AMPH: variants seen among roughly 807,000 people sequenced by gnomAD.
AMPH encodes amphiphysin.
In AMPH, 49 loss-of-function variants were observed where a neutral mutation model predicts 99.1. The ratio of observed to expected loss-of-function variants is 0.49; its 90% confidence interval spans 0.39 to 0.63. The LOEUF is 0.63. Ranked by LOEUF, AMPH falls within the 20% of genes least tolerant of loss-of-function variation. The probability of loss-of-function intolerance (pLI) is 0.00; values close to 1 mark genes in which losing one functional copy is unlikely to be tolerated. For synonymous variants in AMPH, 314 were observed against 317.3 expected (o/e 0.99, Z 0.11); for missense variants, 759 against 863.4 (o/e 0.88, Z 1.52).
intron 2 of AMPH, among the ~76,000 whole-genome samples, chr7:38,527,891 T>A (rs1051871743): frequency 1.3e-5 from 2 of 152,210 alleles, no homozygotes; most frequent in African/African-American, 4.8e-5. Flanking sequence ...TCTTTGTAGA[T>A]GTTCTTTACC....
At chr7:38,428,276 C>T (rs1025393011) in intron 14 of AMPH, 5 of 456,604 alleles carry the variant, frequency 1.1e-5, no homozygotes, top group African/African-American at 6.0e-5. Flanking sequence ...GATCTGTTCC[C>T]CAAGAGTCTA....
intron 11 of AMPH, among the ~76,000 whole-genome samples, chr7:38,457,308 G>T (rs1480228614): frequency 1.3e-5 from 2 of 152,048 alleles, no homozygotes; most frequent in Admixed American, 6.5e-5. Context: ...GAAAAACAAA[G>T]AAATCAGAAA....
intron 1 of AMPH, among the ~76,000 whole-genome samples, chr7:38,571,278 T>TATATAGAATATATATA (rs1562835213): frequency 2.5e-5 from 1 of 39,430 alleles, no homozygotes; most frequent in African/African-American, 1.4e-4. Flanking sequence ...TATATATATA[T>TATATAGAATATATATA]TTTTATATAT....
chr7:38,619,052 C>A (rs559938227), intron 1 of AMPH, among the ~76,000 whole-genome samples: 1 of 152,242 alleles, frequency 6.6e-6, no homozygotes, highest in South Asian at 2.1e-4. Context: ...TGCTGCCAGG[C>A]ATGATGGCAA....
At chr7:38,576,056 G>C (rs1270260685) in intron 1 of AMPH, among the ~76,000 whole-genome samples, 2 of 152,218 alleles carry the variant, frequency 1.3e-5, no homozygotes, top group African/African-American at 4.8e-5. Context: ...CTCTGGGATA[G>C]ACTGCCTAGT....
At chr7:38,476,743 T>C in intron 6 of AMPH, 119 bp downstream of exon 6, 1 of 664,048 alleles carries the variant, frequency 1.5e-6, no homozygotes, top group Admixed American at 2.8e-5. Context: ...TATGTTTCAG[T>C]TTAAATTCTG....
chr7:38,593,605 T>G (rs980265450), intron 1 of AMPH, among the ~76,000 whole-genome samples: 1 of 152,214 alleles, frequency 6.6e-6, no homozygotes, highest in Non-Finnish European at 1.5e-5. Flanking sequence ...ATAGCTTTGC[T>G]CTGCAAAGAA....
chr7:38,423,813 C>T (rs538306026), intron 15 of AMPH, among the ~76,000 whole-genome samples: 56 of 152,232 alleles, frequency 3.7e-4, no homozygotes, highest in African/African-American at 1.3e-3. Flanking sequence ...ATTACAAAGT[C>T]ATCAGACCTC....
chr7:38,437,639 A>AAAAAAAAAAAAAAAAAAAAAAAGAAAAG (rs765494380), intron 11 of AMPH, among the ~76,000 whole-genome samples: 23 of 96,728 alleles, frequency 2.4e-4, no homozygotes, highest in East Asian at 4.2e-4. Flanking sequence ...AAAAAAAAAA[A>AAAAAAAAAAAAAAAAAAAAAAAGAAAAG]AAAAGAAAAG....
At chr7:38,593,594 G>A (rs1792937757) in intron 1 of AMPH, among the ~76,000 whole-genome samples, 1 of 152,170 alleles carries the variant, frequency 6.6e-6, no homozygotes, top group Non-Finnish European at 1.5e-5. Context: ...TGCATTACTT[G>A]ATAGCTTTGC....
At chr7:38,508,160 A>T (rs1255573640) in intron 2 of AMPH, among the ~76,000 whole-genome samples, 1 of 152,220 alleles carries the variant, frequency 6.6e-6, no homozygotes, top group South Asian at 2.1e-4. Flanking sequence ...CTAAGGAACT[A>T]AACTTAGGGC....
intron 11 of AMPH, among the ~76,000 whole-genome samples, chr7:38,459,427 C>T (rs535523107): frequency 7.2e-5 from 11 of 152,248 alleles, no homozygotes; most frequent in Admixed American, 6.5e-4. Context: ...GGAGGCATCA[C>T]ATTACCTGAC....
chr7:38,439,349 T>C (rs77351926), intron 11 of AMPH, among the ~76,000 whole-genome samples: 7,142 of 152,328 alleles, frequency 0.047, 319 homozygotes, highest in African/African-American at 0.11. Context: ...CTTCAAAATA[T>C]GTGGCTGGTT....
intron 2 of AMPH, among the ~76,000 whole-genome samples, chr7:38,524,672 A>G (rs1056104606): frequency 2.0e-5 from 3 of 152,218 alleles, no homozygotes; most frequent in African/African-American, 7.2e-5. Flanking sequence ...TGGGAAGTCT[A>G]GGTGAATGGT....
rs772890349 is a variant in AMPH at position 38,432,231 on chromosome 7, A to C, written c.1135-19T>G. 1.2e-5 allele frequency: 20 copies of C among 1,606,818 alleles called. No homozygotes were observed. The highest frequency in any genetic ancestry group is 3.3e-5 in the Admixed American group (2 of 59,936). Reference sequence around the variant, plus strand: ...GCAATGTCTGAAAGCAAATAAACAAAAATACTGTTAGTTATACAAATCTAA... The same window carrying C: ...GCAATGTCTGAAAGCAAATAAACAACAATACTGTTAGTTATACAAATCTAA... On this transcript the variant is annotated intron_variant, in intron 12 of 20. Coordinates refer to ENST00000356264, the MANE Select transcript of AMPH (RefSeq NM_001635.4).
intron 17 of AMPH, among the ~76,000 whole-genome samples, chr7:38,417,480 T>A (rs930593992): frequency 6.6e-6 from 1 of 152,232 alleles, no homozygotes; most frequent in African/African-American, 2.4e-5. Flanking sequence ...GTTATTATTC[T>A]GTTTATCACA....
chr7:38,393,999 A>G lies in AMPH; in HGVS notation c.1608+6T>C, dbSNP rs566566990. 6.2e-7 allele frequency: 1 copy of G among 1,614,114 alleles called. No homozygotes were observed. The highest frequency in any genetic ancestry group is 8.5e-7 in the Non-Finnish European group (1 of 1,179,982). On this transcript the variant is annotated splice_donor_region_variant and intron_variant, in intron 18 of 20. Transcript: ENST00000356264. Reference sequence around the variant, plus strand: ...AGCTCCCCTGGCTGCGACATGGGACACTCACCTGAGGCACTGTTGCTTCGA... The same window carrying G: ...AGCTCCCCTGGCTGCGACATGGGACGCTCACCTGAGGCACTGTTGCTTCGA...
In AMPH at chr7:38,390,374, T is replaced by C. The variant is rs1329897894; in HGVS notation, c.1879-469A>G. 4.6e-5 allele frequency among the ~76,000 whole-genome samples: 7 copies of C among 152,184 alleles called. No individual in the cohort carries two copies. The East Asian group carries it at 1.3e-3, about 29-fold the overall frequency. ...ATTTCCTTCCTTCCCTATCCTACCT[T>C]ATATACAATGGCAACCAGTTTCTTT... On this transcript the variant is annotated intron_variant, in intron 19 of 20. Transcript: ENST00000356264.
At position 38,587,953 on chromosome 7, in the gene AMPH, CGT is replaced by C. The variant is rs1441112714; in HGVS notation, c.69+43328_69+43329del. 7.2e-5 allele frequency among the ~76,000 whole-genome samples: 10 copies of C among 139,198 alleles called. No individual in the cohort carries two copies. The South Asian group carries it at 9.5e-4, about 13-fold the overall frequency. The allele number at this position is 139,198 out of a possible 152,430, so 91.3% of individuals were successfully genotyped here. ...GTGTGTGTGTGTGTGTGTGTGTGCG[CGT>C]GTGTGTGTGAGAGAGAGATAGGGTC... On this transcript the variant is annotated intron_variant, in intron 1 of 20. Transcript: ENST00000356264.
Sources: allele counts gnomAD v4.1 joint callset (sites outside exome capture counted in the v4.1 genomes callset), GRCh38; gene constraint gnomAD v4.1.1; transcripts MANE v1.5; gene names NCBI Gene and HGNC (gene_info 2026-07-23, HGNC 2026-07-21).